PTPRT: variants seen among roughly 807,000 people sequenced by gnomAD.
The protein encoded by PTPRT is receptor-type tyrosine-protein phosphatase T.
In PTPRT, 56 loss-of-function variants were observed where a neutral mutation model predicts 176.8. The ratio of observed to expected loss-of-function variants is 0.32; its 90% CI spans 0.26 to 0.40. The LOEUF (loss-of-function observed/expected upper bound fraction) is 0.40, where lower values mean the gene tolerates loss of function less well. PTPRT is among the 10% of genes least tolerant of loss of function. The pLI is 1.00. For synonymous variants in PTPRT, 783 were observed against 739.0 expected, an observed-to-expected ratio of 1.06 and a Z score of -0.96; for missense variants, 1,540 against 1,908.2, an observed-to-expected ratio of 0.81 and a Z score of 3.60.
the PTPRT span, among the ~76,000 whole-genome samples, chr20:42,048,203 G>T: frequency 4.6e-5 from 7 of 152,208 alleles, no homozygotes; most frequent in Non-Finnish European, 2.9e-5. Flanking sequence ...ACTCATGCAT[G>T]ATGTTTTTCA....
the PTPRT span, among the ~76,000 whole-genome samples, chr20:42,065,846 A>G: frequency 6.6e-6 from 1 of 152,164 alleles, no homozygotes; most frequent in African/African-American, 2.4e-5. Flanking sequence ...TTAACTTCTT[A>G]TGCTAACAAA....
At chr20:42,641,785 G>T (rs778812906) in intron 7 of PTPRT, among the ~76,000 whole-genome samples, 2 of 152,138 alleles carry the variant, frequency 1.3e-5, no homozygotes, top group South Asian at 2.1e-4. Context: ...AGGCTAGAGA[G>T]GCATGATATG....
intron 7 of PTPRT, among the ~76,000 whole-genome samples, chr20:42,489,166 A>G (rs1196694583): frequency 6.6e-6 from 1 of 151,920 alleles, no homozygotes; most frequent in Non-Finnish European, 1.5e-5. Context: ...TTAGTTACAT[A>G]TGTATACATG....
intron 1 of PTPRT, among the ~76,000 whole-genome samples, chr20:43,031,711 C>T (rs988215138): frequency 2.0e-5 from 3 of 152,114 alleles, no homozygotes; most frequent in Non-Finnish European, 4.4e-5. Flanking sequence ...TGGTATTTAT[C>T]TTCAAAAGGT....
At chr20:42,780,341 G>C (rs747373248) in intron 3 of PTPRT, 42 bp from the exon 4 acceptor site, 35 of 1,508,252 alleles carry the variant, frequency 2.3e-5, no homozygotes, top group Middle Eastern at 3.4e-4. Flanking sequence ...AGAAACAGTT[G>C]CAGGCATTCA....
In PTPRT at chr20:43,189,868, C is replaced by T. The variant is rs2015498177; in HGVS notation, c.-135G>A. 2 of 252,318 alleles carry T rather than the reference C, an allele frequency of 7.9e-6. No homozygotes were observed. The highest frequency in any genetic ancestry group is 1.2e-5 in the Non-Finnish European group (2 of 166,982). 15.6% of individuals were successfully genotyped at this position (252,318 alleles called of 1,614,324 possible). A position where few individuals can be genotyped will look rare whatever the true frequency, so the allele number is the denominator to read the frequency against. ...CTGGCTCCGCTCGGGCTCCCGGAGC[C>T]GGCGCTCCTGCGTTCCAAGCCGAGG... is the stretch of plus-strand genomic sequence containing the variant. On this transcript the variant is annotated 5_prime_UTR_variant, in exon 1 of 31. Coordinates refer to ENST00000373187, the MANE Select transcript of PTPRT (RefSeq NM_007050.6). The surrounding 1 kb of genome is among the most constrained non-coding windows in gnomAD (Gnocchi z 5.0).
chr20:42,880,933 G>A (rs1483823002), intron 2 of PTPRT, among the ~76,000 whole-genome samples: 3 of 152,224 alleles, frequency 2.0e-5, no homozygotes, highest in Non-Finnish European at 4.4e-5. Flanking sequence ...CAGAGGTGGG[G>A]TGGAGGAAAT....
intron 9 of PTPRT, among the ~76,000 whole-genome samples, chr20:42,403,938 A>AGAG (rs1220272484): frequency 1.7e-4 from 26 of 151,984 alleles, no homozygotes; most frequent in African/African-American, 6.0e-4. Context: ...TCACCCCTCT[A>AGAG]GGCCCTCTGG....
Position 42,639,952 on chromosome 20 carries a change from C to T in PTPRT, c.1153+37914G>A, listed in dbSNP as rs144805816. Among the ~76,000 whole-genome samples the T allele has an allele frequency of 3.4e-4, 51 of 152,176 alleles. 1 individual carries two copies. The East Asian group carries it at 7.9e-3, about 24-fold the overall frequency. On this transcript the variant is annotated intron_variant, in intron 7 of 30. Transcript: ENST00000373187. Reference sequence around the variant, plus strand: ...CCAGAAAATCCCTCTCCCCCCAACCCGAATGAAGCTGGGAATTTTAACCTG... The same window carrying T: ...CCAGAAAATCCCTCTCCCCCCAACCTGAATGAAGCTGGGAATTTTAACCTG...
chr20:42,634,019 T>TA lies in PTPRT; in HGVS notation c.1153+43846dup, dbSNP rs2074512200. ...ATATATTATATATATATAATATATATATAATATATATATTATATATATTAT... is the reference window on the plus strand; with the variant it reads ...ATATATTATATATATATAATATATATAATAATATATATATTATATATATTAT... On this transcript the variant is annotated intron_variant, in intron 7 of 30. Coordinates refer to ENST00000373187, the MANE Select transcript of PTPRT (RefSeq NM_007050.6). Among the ~76,000 whole-genome samples, 54 of 28,350 alleles carry TA rather than the reference T, an allele frequency of 1.9e-3. No individual in the cohort carries two copies. The Admixed American group carries it at 0.022, about 12-fold the overall frequency. 18.6% of individuals were successfully genotyped at this position (28,350 alleles called of 152,430 possible).
At chr20:42,647,202 T>C (rs1057388901) in intron 7 of PTPRT, among the ~76,000 whole-genome samples, 2 of 151,916 alleles carry the variant, frequency 1.3e-5, no homozygotes, top group Non-Finnish European at 2.9e-5. Flanking sequence ...CAGCCTCCAA[T>C]GACTAAGATA....
intron 1 of PTPRT, among the ~76,000 whole-genome samples, chr20:43,028,079 A>G (rs1230641550): frequency 6.6e-6 from 1 of 152,232 alleles, no homozygotes; most frequent in Admixed American, 6.5e-5. Flanking sequence ...GACAGGAAGA[A>G]TATCAAATCA....
intron 1 of PTPRT, among the ~76,000 whole-genome samples, chr20:43,069,845 T>C (rs2072156494): frequency 6.6e-6 from 1 of 152,170 alleles, no homozygotes; most frequent in Non-Finnish European, 1.5e-5. Flanking sequence ...TTGAGAAGGC[T>C]TTGGACAGCC....
intron 7 of PTPRT, among the ~76,000 whole-genome samples, chr20:42,602,222 T>C (rs1336226150): frequency 6.6e-6 from 1 of 152,172 alleles, no homozygotes; most frequent in Non-Finnish European, 1.5e-5. Flanking sequence ...TTATGTTCCT[T>C]TGTGCACAAC....
At chr20:42,698,205 T>C (rs758099220) in intron 6 of PTPRT, among the ~76,000 whole-genome samples, 27 of 152,180 alleles carry the variant, frequency 1.8e-4, no homozygotes, top group Admixed American at 6.5e-4. Flanking sequence ...AGATTGACCC[T>C]GAACTATCGA....
Position 42,084,771 on chromosome 20 carries a change from G to A in PTPRT, c.4047C>T (p.Ser1349=), listed in dbSNP as rs1983705474. 2 of 1,561,936 alleles carry A rather than the reference G, an allele frequency of 1.3e-6. No homozygotes were observed. The highest frequency in any genetic ancestry group is 1.7e-6 in the Non-Finnish European group (2 of 1,150,106). The change falls in exon 29 of 31, where the codon TCC becomes TCT. Residue 1349 remains serine, a synonymous_variant. Coordinates refer to ENST00000373187, the MANE Select transcript of PTPRT (RefSeq NM_007050.6). The part of the protein sequence containing the change: ...GWPAYRDTPP[S]KRSLLKVVRR... ...GGACCACTTTGAGCAGAGAGCGCTT[G>A]GAGGGGGGCGTGTCCCGGTAGGCAG...
rs191762564 is a variant in PTPRT at position 43,135,948 on chromosome 20, C to T, written c.88+53698G>A. Among the ~76,000 whole-genome samples the T allele has an allele frequency of 2.0e-5, 3 of 152,262 alleles. No individual in the cohort carries two copies. In the East Asian group the frequency reaches 5.8e-4, roughly 29 times the overall value. On this transcript the variant is annotated intron_variant, in intron 1 of 30. Transcript: ENST00000373187. Reference sequence around the variant, plus strand: ...AGAGAATGGTGTTTTTCCTGCCAGGCAAATGTTTAAACTAAAATTTTTAAA... The same window carrying T: ...AGAGAATGGTGTTTTTCCTGCCAGGTAAATGTTTAAACTAAAATTTTTAAA...
intron 12 of PTPRT, among the ~76,000 whole-genome samples, chr20:42,304,551 T>C (rs2057516416): frequency 6.6e-6 from 1 of 152,154 alleles, no homozygotes; most frequent in Non-Finnish European, 1.5e-5. Context: ...CCTAAGGTCA[T>C]GTAGCTGGTC....
intron 18 of PTPRT, among the ~76,000 whole-genome samples, chr20:42,137,422 C>T (rs1204500149): frequency 6.6e-6 from 1 of 152,320 alleles, no homozygotes; most frequent in East Asian, 1.9e-4. Context: ...ATGGGCCTCT[C>T]TGAAGAGCTC....
Sources: allele counts gnomAD v4.1 joint callset (sites outside exome capture counted in the v4.1 genomes callset), GRCh38; gene constraint gnomAD v4.1.1; non-coding constraint Gnocchi (gnomAD v3.1); transcripts MANE v1.5; gene names NCBI Gene and HGNC (gene_info 2026-07-23, HGNC 2026-07-21).